AGBL1: variants seen among roughly 807,000 people sequenced by gnomAD.
The protein encoded by AGBL1 is cytosolic carboxypeptidase 4.
A neutral mutation model predicts 118.9 loss-of-function variants in AGBL1; 130 were observed. The observed-to-expected ratio is 1.09, with a 90% confidence interval of 0.95 to 1.26. The LOEUF (loss-of-function observed/expected upper bound fraction) is 1.26, where lower values mean the gene tolerates loss of function less well. Among genes scored for constraint, AGBL1 ranks in the 50% most tolerant of loss-of-function variants. The pLI is 0.00. For synonymous variants in AGBL1, 555 were observed against 478.9 expected (o/e 1.16, Z -2.08); for missense variants, 1,584 against 1,298.1 (o/e 1.22, Z -3.38).
chr15:86,701,667 T>C (rs1248007488), intron 22 of AGBL1, among the ~76,000 whole-genome samples: 1 of 138,926 alleles, frequency 7.2e-6, no homozygotes. Context: ...CTCCATTTTT[T>C]CCCTCCCCTT....
At chr15:86,374,538 A>G (rs970766517) in intron 17 of AGBL1, among the ~76,000 whole-genome samples, 2 of 152,162 alleles carry the variant, frequency 1.3e-5, no homozygotes, top group African/African-American at 4.8e-5. Context: ...CCCTCTGGCC[A>G]TGACAACAAT....
intron 5 of AGBL1, among the ~76,000 whole-genome samples, chr15:86,194,865 G>A (rs2077776053): frequency 6.6e-6 from 1 of 152,170 alleles, no homozygotes. Flanking sequence ...AAAGACATAT[G>A]TAAGGAAAGA....
chr15:86,198,125 A>T (rs183766061), intron 5 of AGBL1, among the ~76,000 whole-genome samples: 17 of 152,308 alleles, frequency 1.1e-4, no homozygotes, highest in African/African-American at 3.8e-4. Context: ...CCAGCCTTAA[A>T]ATCTAACAGA....
chr15:86,463,289 T>G (rs897329623), intron 18 of AGBL1, among the ~76,000 whole-genome samples: 1 of 144,134 alleles, frequency 6.9e-6, no homozygotes, highest in African/African-American at 2.5e-5. Flanking sequence ...GGGTTGTTTG[T>G]TTTTTTTTTT....
intron 21 of AGBL1, among the ~76,000 whole-genome samples, chr15:86,592,624 C>T (rs1185228799): frequency 6.6e-6 from 1 of 152,142 alleles, no homozygotes; most frequent in Non-Finnish European, 1.5e-5. Flanking sequence ...GCGTTTTTCC[C>T]TTACCAGTTG....
chr15:87,015,067 C>A (rs920779058), intron 24 of AGBL1, among the ~76,000 whole-genome samples: 21 of 152,064 alleles, frequency 1.4e-4, no homozygotes, highest in African/African-American at 5.1e-4. Flanking sequence ...AGCATCAATT[C>A]TCTCTTTCTT....
chr15:86,604,129 C>T (rs1181366514), intron 21 of AGBL1, among the ~76,000 whole-genome samples: 2 of 150,398 alleles, frequency 1.3e-5, no homozygotes, highest in African/African-American at 5.0e-5. Context: ...CTCATCGGGG[C>T]CACCTCAGCA....
At position 86,410,807 on chromosome 15, in the gene AGBL1, G is replaced by GATATATATATATAT. The variant is rs36127489; in HGVS notation, c.2555+13283_2555+13296dup. ...AGAGGAAGAGACAAGGTCAAATGTA[G>GATATATATATATAT]ATATATATATATATATATATATATA... On this transcript the variant is annotated intron_variant, in intron 18 of 22. Coordinates refer to ENST00000614907, the MANE Select transcript of AGBL1 (RefSeq NM_001386094.1). Among the ~76,000 whole-genome samples, 146 of 40,316 alleles carry GATATATATATATAT rather than the reference G, an allele frequency of 3.6e-3. 3 individuals are homozygous for GATATATATATATAT. Among genetic ancestry groups the GATATATATATATAT allele is most frequent in the African/African-American group, 5.7e-3 (57 of 10,004 alleles). 26.4% of individuals were successfully genotyped at this position (40,316 alleles called of 152,430 possible). A position where few individuals can be genotyped will look rare whatever the true frequency, so the allele number is the denominator to read the frequency against.
At chr15:86,897,600 T>C (rs2080146406) in intron 22 of AGBL1, among the ~76,000 whole-genome samples, 1 of 151,962 alleles carries the variant, frequency 6.6e-6, no homozygotes, top group African/African-American at 2.4e-5. Flanking sequence ...ATATGTTCAG[T>C]ATGTTTTATG....
intron 21 of AGBL1, among the ~76,000 whole-genome samples, chr15:86,673,216 A>G (rs2085777423): frequency 1.3e-5 from 2 of 152,310 alleles, no homozygotes; most frequent in Admixed American, 1.3e-4. Context: ...AATTTTGATC[A>G]ATATTATGAC....
chr15:86,479,509 G>A (rs2082617072), intron 18 of AGBL1, among the ~76,000 whole-genome samples: 1 of 152,194 alleles, frequency 6.6e-6, no homozygotes, highest in Admixed American at 6.5e-5. Context: ...TCAGAAAAAT[G>A]CAAATCAAAA....
chr15:86,988,109 A>G (rs1223156458), intron 24 of AGBL1: 2 of 1,611,538 alleles, frequency 1.2e-6, no homozygotes, highest in African/African-American at 1.3e-5. Flanking sequence ...CAGTTTCCTG[A>G]TTGTACATTG....
chr15:86,163,508 A>T (rs1239558780), intron 5 of AGBL1, among the ~76,000 whole-genome samples: 1 of 152,160 alleles, frequency 6.6e-6, no homozygotes, highest in East Asian at 1.9e-4. Context: ...TGGGTGGGTC[A>T]CCTAAGATCA....
intron 22 of AGBL1, among the ~76,000 whole-genome samples, chr15:86,781,572 C>T (rs1364575021): frequency 6.6e-6 from 1 of 152,146 alleles, no homozygotes; most frequent in Non-Finnish European, 1.5e-5. Context: ...TCTTACCCCA[C>T]TCTTTGTATA....
chr15:86,400,930 T>C (rs2081436056), intron 18 of AGBL1, among the ~76,000 whole-genome samples: 1 of 152,162 alleles, frequency 6.6e-6, no homozygotes, highest in African/African-American at 2.4e-5. Flanking sequence ...TAAACATGTG[T>C]GTTCAAGTGA....
chr15:86,366,688 A>G (rs1281674653), intron 17 of AGBL1, among the ~76,000 whole-genome samples: 1 of 152,182 alleles, frequency 6.6e-6, no homozygotes, highest in Non-Finnish European at 1.5e-5. Context: ...ATTTCTTTAC[A>G]TTCCCCAAAC....
chr15:86,925,131 AGAG>A (rs1223592986), intron 23 of AGBL1, among the ~76,000 whole-genome samples: 3 of 17,998 alleles, frequency 1.7e-4, no homozygotes, highest in Admixed American at 4.0e-4. Context: ...AAGAAGAGGA[AGAG>A]GAAGAGGAAG....
chr15:86,161,394 C>T (rs1394842331), intron 5 of AGBL1, among the ~76,000 whole-genome samples: 1 of 152,096 alleles, frequency 6.6e-6, no homozygotes, highest in Non-Finnish European at 1.5e-5. Context: ...CTATTATTGC[C>T]CCCAATTTTA....
intron 9 of AGBL1, 125 bp from the exon 10 acceptor site, chr15:86,262,653 T>G (rs1054622941): frequency 2.8e-6 from 2 of 715,150 alleles, no homozygotes; most frequent in African/African-American, 1.7e-5. Flanking sequence ...GATGGGCCAG[T>G]GCTATAATTT....
Sources: gnomAD v4.1 joint callset for allele counts (sites outside exome capture counted in the v4.1 genomes callset) on GRCh38, gnomAD v4.1.1 for gene constraint, MANE v1.5 for transcripts, NCBI Gene and HGNC (gene_info 2026-07-23, HGNC 2026-07-21) for gene names.